The following GLIS3 variants were observed in gnomAD, a reference collection of about 807,000 sequenced individuals.
GLIS3 encodes zinc finger protein GLIS3.
Under a neutral mutation model 78.6 loss-of-function variants are expected in GLIS3, and 53 were observed. The observed-to-expected ratio is 0.67, with a 90% CI of 0.54 to 0.85. The LOEUF (loss-of-function observed/expected upper bound fraction) is 0.85. Among genes scored for constraint, GLIS3 ranks in the 40% least tolerant of loss-of-function variants. The probability of loss-of-function intolerance (pLI) is 0.00; values close to 1 mark genes in which losing one functional copy is unlikely to be tolerated. For synonymous variants in GLIS3, 684 were observed against 509.9 expected (o/e 1.34, Z -4.60); for missense variants, 1,703 against 1,231.1 (o/e 1.38, Z -5.74).
At chr9:4,251,653 T>C (rs1207998911) in intron 2 of GLIS3, among the ~76,000 whole-genome samples, 1 of 152,186 alleles carries the variant, frequency 6.6e-6, no homozygotes, top group Non-Finnish European at 1.5e-5. Context: ...GTCATTATGA[T>C]GCTAGCTGGT....
At chr9:3,880,603 T>C (rs1335804760) in intron 7 of GLIS3, among the ~76,000 whole-genome samples, 1 of 152,196 alleles carries the variant, frequency 6.6e-6, no homozygotes, top group African/African-American at 2.4e-5. Flanking sequence ...TTTAAAAAAA[T>C]AAATCAGGTT....
intron 6 of GLIS3, chr9:3,901,337 C>T (rs10974068): frequency 0.15 from 23,623 of 153,388 alleles, 1,907 homozygotes; most frequent in Non-Finnish European, 0.17. Context: ...AAAGCTGGCT[C>T]GCACCAATCT....
the GLIS3 span, among the ~76,000 whole-genome samples, chr9:4,397,443 G>A: frequency 6.6e-6 from 1 of 151,714 alleles, no homozygotes; most frequent in Non-Finnish European, 1.5e-5. Flanking sequence ...TTTGATAGCA[G>A]TACAGTCAGA....
chr9:4,098,293 C>A (rs546797929), intron 4 of GLIS3, among the ~76,000 whole-genome samples: 1 of 152,232 alleles, frequency 6.6e-6, no homozygotes, highest in African/African-American at 2.4e-5. Context: ...CATTCACTGA[C>A]CTTGGTATAT....
At chr9:4,345,653 A>G (rs932706956) in intron 2 of GLIS3, among the ~76,000 whole-genome samples, 2 of 152,252 alleles carry the variant, frequency 1.3e-5, no homozygotes, top group Non-Finnish European at 2.9e-5. Context: ...GATTGGATAC[A>G]GAAATTTATC....
At chr9:4,397,763 G>GAGGAA in the GLIS3 span, among the ~76,000 whole-genome samples, 1 of 147,848 alleles carries the variant, frequency 6.8e-6, no homozygotes, top group African/African-American at 2.6e-5. Flanking sequence ...AAGGAGAGGA[G>GAGGAA]AGGAAAGGAG....
intron 2 of GLIS3, among the ~76,000 whole-genome samples, chr9:4,143,720 C>T (rs1365304671): frequency 6.6e-6 from 1 of 152,178 alleles, no homozygotes; most frequent in African/African-American, 2.4e-5. Context: ...TGACCAATAT[C>T]TCCCATTTTC....
intron 2 of GLIS3, among the ~76,000 whole-genome samples, chr9:4,133,309 TAACTTATGG>T (rs1392365139): frequency 6.6e-6 from 1 of 152,232 alleles, no homozygotes; most frequent in African/African-American, 2.4e-5. Flanking sequence ...CACTCAAATG[TAACTTATGG>T]AACAATTGTT....
rs773623746 is a variant in GLIS3 at position 4,035,991 on chromosome 9, T to C, written c.1710+81777A>G. On this transcript the variant is annotated intron_variant, in intron 4 of 10. Transcript: ENST00000381971. ...AATCCTTCTTTCCTACATGCTCCTA[T>C]ACCAGATGACTTGGCCTTGAGCCGC... 14 of 152,412 alleles carry C rather than the reference T, an allele frequency of 9.2e-5. No homozygotes were observed. In the East Asian group the frequency reaches 9.7e-4, roughly 11 times the overall value. The allele number at this position is 152,412 out of a possible 1,614,324, so 9.4% of individuals were successfully genotyped here. A position where few individuals can be genotyped will look rare whatever the true frequency, so the allele number is the denominator to read the frequency against.
At chr9:3,890,245 T>C (rs1822342167) in intron 7 of GLIS3, among the ~76,000 whole-genome samples, 1 of 152,196 alleles carries the variant, frequency 6.6e-6, no homozygotes, top group South Asian at 2.1e-4. Context: ...AGTATAAGGA[T>C]ACTTCTACTC....
At chr9:4,219,802 C>T (rs898438530) in intron 2 of GLIS3, among the ~76,000 whole-genome samples, 2 of 152,154 alleles carry the variant, frequency 1.3e-5, no homozygotes, top group African/African-American at 4.8e-5. Context: ...CAGAGCAAAG[C>T]AGGGGTGGAG....
chr9:4,304,975 C>G (rs991984339), upstream of GLIS3, among the ~76,000 whole-genome samples: 3 of 152,160 alleles, frequency 2.0e-5, no homozygotes, highest in Non-Finnish European at 4.4e-5. Flanking sequence ...AGACCTGCCC[C>G]GGGTAAGAGT....
At chr9:4,168,802 A>G (rs2131118583) in intron 2 of GLIS3, among the ~76,000 whole-genome samples, 1 of 152,302 alleles carries the variant, frequency 6.6e-6, no homozygotes, top group Non-Finnish European at 1.5e-5. Context: ...GCCTATGGTA[A>G]ATTAAACAAC....
chr9:4,147,811 A>G (rs899437656), intron 2 of GLIS3, among the ~76,000 whole-genome samples: 3 of 26,588 alleles, frequency 1.1e-4, no homozygotes, highest in African/African-American at 2.1e-4. Context: ...TGCTGAGTTC[A>G]TACCAAAAAA....
At position 3,824,892 on chromosome 9, in the gene GLIS3, T is replaced by G; in HGVS notation, c.*3380A>C. On this transcript the variant is annotated 3_prime_UTR_variant, in exon 11 of 11. Transcript: ENST00000381971. The stretch of plus-strand genomic sequence containing the variant: ...TTACACTCACTATTTCTCCAATGAG[T>G]GCTTTTTTTTTTTTGCTTCATCTGT... The G allele has an allele frequency of 7.7e-6, 1 of 130,176 alleles. No homozygotes were observed. Among genetic ancestry groups the G allele is most frequent in the East Asian group, 2.2e-4 (1 of 4,598 alleles). The allele number at this position is 130,176 out of a possible 1,614,324, so 8.1% of individuals were successfully genotyped here. A position where few individuals can be genotyped will look rare whatever the true frequency, so the allele number is the denominator to read the frequency against.
intron 4 of GLIS3, among the ~76,000 whole-genome samples, chr9:4,049,604 G>C (rs1003248517): frequency 5.3e-5 from 8 of 152,010 alleles, no homozygotes; most frequent in Non-Finnish European, 1.0e-4. Context: ...CGCACACATA[G>C]GAATAAGCTT....
chr9:4,171,008 G>C (rs1176127044), intron 2 of GLIS3, among the ~76,000 whole-genome samples: 1 of 152,042 alleles, frequency 6.6e-6, no homozygotes, highest in African/African-American at 2.4e-5. Context: ...CACACAAAGG[G>C]AATCATACGA....
chr9:4,450,067 T>C, the GLIS3 span, among the ~76,000 whole-genome samples: 1 of 152,086 alleles, frequency 6.6e-6, no homozygotes, highest in African/African-American at 2.4e-5. Context: ...AGAAGGATGT[T>C]TGGACCCATC....
chr9:4,246,673 G>C (rs1462223569), intron 2 of GLIS3, among the ~76,000 whole-genome samples: 1 of 152,090 alleles, frequency 6.6e-6, no homozygotes, highest in African/African-American at 2.4e-5. Flanking sequence ...GATATGAAAT[G>C]GTGCTAAAGT....
Sources: allele counts gnomAD v4.1 joint callset (sites outside exome capture counted in the v4.1 genomes callset), GRCh38; gene constraint gnomAD v4.1.1; transcripts MANE v1.5; gene names NCBI Gene and HGNC (gene_info 2026-07-23, HGNC 2026-07-21).